EXOC5: variants seen among roughly 807,000 people sequenced by gnomAD.
The protein encoded by EXOC5 is SEC10-like 1.
A neutral mutation model predicts 90.8 loss-of-function variants in EXOC5; 17 were observed. The ratio of observed to expected loss-of-function variants is 0.19; its 90% CI spans 0.13 to 0.28. The LOEUF is 0.28. Ranked by LOEUF, EXOC5 falls within the 10% of genes least tolerant of loss-of-function variation. The pLI is 1.00. For missense variants in EXOC5, 569 were observed against 830.6 expected (o/e 0.69, Z 3.87); for synonymous variants, 260 against 270.0 (o/e 0.96, Z 0.36).
rs528701179 is a variant in EXOC5 at position 57,205,881 on chromosome 14, G to C, written c.*2728C>G. On this transcript the variant is annotated 3_prime_UTR_variant, in exon 18 of 18. Transcript: ENST00000621441. ...GCAACTATGGCAATCCTCAAAATGGGACCAAAAATTGTCCTGGAATGGTCA... is the reference window on the plus strand; with the variant it reads ...GCAACTATGGCAATCCTCAAAATGGCACCAAAAATTGTCCTGGAATGGTCA... 1 of 455,700 alleles carries C rather than the reference G, an allele frequency of 2.2e-6. No homozygotes were observed. The highest frequency in any genetic ancestry group is 4.4e-6 in the Non-Finnish European group (1 of 226,500). 28.2% of individuals were successfully genotyped at this position (455,700 alleles called of 1,614,324 possible).
At chr14:57,244,628 A>T (rs1413225882) in intron 3 of EXOC5, among the ~76,000 whole-genome samples, 6 of 152,166 alleles carry the variant, frequency 3.9e-5, no homozygotes, top group Non-Finnish European at 8.8e-5. Context: ...ATCCTGTTTT[A>T]AAAAAACACT....
At chr14:57,247,480 T>A in intron 2 of EXOC5, 138 bp downstream of exon 2, 1 of 458,700 alleles carries the variant, frequency 2.2e-6, no homozygotes, top group Non-Finnish European at 3.9e-6. Context: ...TAATGCTCTG[T>A]TGTATTGTCT....
At chr14:57,245,055 G>C (rs931766326) in intron 3 of EXOC5, among the ~76,000 whole-genome samples, 2 of 150,316 alleles carry the variant, frequency 1.3e-5, no homozygotes, top group Non-Finnish European at 3.0e-5. Context: ...TATTTAAAAA[G>C]TGATGTTTAT....
chr14:57,232,600 T>C, intron 10 of EXOC5, 67 bp downstream of exon 10: 1 of 673,772 alleles, frequency 1.5e-6, no homozygotes, highest in Non-Finnish European at 2.5e-6. Flanking sequence ...CCTGAATACT[T>C]CCTTGTTTTT....
At chr14:57,231,826 C>T (rs973697699) in intron 10 of EXOC5, 111 bp from the exon 11 acceptor site, 5 of 686,324 alleles carry the variant, frequency 7.3e-6, no homozygotes, top group Admixed American at 2.9e-5. Context: ...GTTAAGCCAC[C>T]ATTTCTTAAA....
intron 5 of EXOC5, among the ~76,000 whole-genome samples, chr14:57,238,373 TATAC>T (rs1229720375): frequency 4.4e-4 from 35 of 79,936 alleles, no homozygotes; most frequent in Admixed American, 5.5e-4. Flanking sequence ...TATATATATA[TATAC>T]ACACACACAC....
chr14:57,207,694 G>C lies in EXOC5; in HGVS notation c.*915C>G, dbSNP rs1399205054. On this transcript the variant is annotated 3_prime_UTR_variant, in exon 18 of 18. Coordinates refer to ENST00000621441, the MANE Select transcript of EXOC5 (RefSeq NM_006544.4). Reference sequence around the variant, plus strand: ...CCATCTTATTCAAGTTTAGCATTACGACAGAAATCTCAAAGGGCTGCATGT... The same window carrying C: ...CCATCTTATTCAAGTTTAGCATTACCACAGAAATCTCAAAGGGCTGCATGT... 1 of 151,932 alleles carries C rather than the reference G, an allele frequency of 6.6e-6. No individual in the cohort carries two copies. Among genetic ancestry groups the C allele is most frequent in the African/African-American group, 2.4e-5 (1 of 41,378 alleles). The allele number at this position is 151,932 out of a possible 1,614,324, so 9.4% of individuals were successfully genotyped here. A position where few individuals can be genotyped will look rare whatever the true frequency, so the allele number is the denominator to read the frequency against.
At chr14:57,227,660 G>C (rs769685720) in intron 12 of EXOC5, among the ~76,000 whole-genome samples, 2 of 152,192 alleles carry the variant, frequency 1.3e-5, no homozygotes, top group South Asian at 4.1e-4. Context: ...TAATGAATAA[G>C]TTGCATTTCC....
chr14:57,203,365 G>A lies in EXOC5; in HGVS notation c.*5244C>T, dbSNP rs1271773966. The A allele has an allele frequency of 6.6e-6, 1 of 152,210 alleles. No individual in the cohort carries two copies. The highest frequency in any genetic ancestry group is 2.4e-5 in the African/African-American group (1 of 41,462). 9.4% of individuals were successfully genotyped at this position (152,210 alleles called of 1,614,324 possible). A position where few individuals can be genotyped will look rare whatever the true frequency, so the allele number is the denominator to read the frequency against. On this transcript the variant is annotated 3_prime_UTR_variant, in exon 18 of 18. Coordinates refer to ENST00000621441, the MANE Select transcript of EXOC5 (RefSeq NM_006544.4). ...CCAATTTAAGATTACAGGGGCATCA[G>A]GAAGGCTTCTCACCTCTCAAAGTTT...
Position 57,208,153 on chromosome 14 carries a change from T to C in EXOC5, c.*456A>G, listed in dbSNP as rs1882713892. The C allele has an allele frequency of 6.5e-6, 1 of 153,404 alleles. No individual in the cohort carries two copies. Among genetic ancestry groups the C allele is most frequent in the African/African-American group, 2.4e-5 (1 of 41,488 alleles). The allele number at this position is 153,404 out of a possible 1,614,324, so 9.5% of individuals were successfully genotyped here. On this transcript the variant is annotated 3_prime_UTR_variant, in exon 18 of 18. Coordinates refer to ENST00000621441, the MANE Select transcript of EXOC5 (RefSeq NM_006544.4). ...CTAAAATAATCTGATTAACAATTGATGCTGAAAAGGTCATTAAAAACTGAG... is the reference window on the plus strand; with the variant it reads ...CTAAAATAATCTGATTAACAATTGACGCTGAAAAGGTCATTAAAAACTGAG...
At chr14:57,241,799 T>C (rs1486915396) in intron 4 of EXOC5, among the ~76,000 whole-genome samples, 7 of 152,140 alleles carry the variant, frequency 4.6e-5, no homozygotes, top group Non-Finnish European at 1.0e-4. Context: ...AGTCATCAAG[T>C]ATTATCCACA....
At chr14:57,236,253 T>G (rs1379122033) in intron 6 of EXOC5, among the ~76,000 whole-genome samples, 1 of 151,880 alleles carries the variant, frequency 6.6e-6, no homozygotes, top group East Asian at 1.9e-4. Flanking sequence ...AATCTCATCC[T>G]GATAATATGC....
chr14:57,216,305 A>G (rs1267616098), intron 15 of EXOC5, among the ~76,000 whole-genome samples: 1 of 151,752 alleles, frequency 6.6e-6, no homozygotes, highest in African/African-American at 2.4e-5. Context: ...TAAAATTCTT[A>G]TGGAACCAGA....
intron 16 of EXOC5, 34 bp downstream of exon 16, chr14:57,209,919 A>G: frequency 7.9e-7 from 1 of 1,261,808 alleles, no homozygotes; most frequent in Non-Finnish European, 1.1e-6. Flanking sequence ...GAAAATGTTA[A>G]CAAAGTATTA....
intron 1 of EXOC5, among the ~76,000 whole-genome samples, chr14:57,255,710 T>C (rs1364875253): frequency 6.6e-6 from 1 of 152,000 alleles, no homozygotes; most frequent in Non-Finnish European, 1.5e-5. Flanking sequence ...TGGGCACCTG[T>C]AGTCCTAGCT....
chr14:57,266,615 G>T (rs542584616), intron 1 of EXOC5, among the ~76,000 whole-genome samples: 3 of 151,502 alleles, frequency 2.0e-5, no homozygotes, highest in African/African-American at 7.3e-5. Flanking sequence ...GTAGTCTAAG[G>T]GCTACTGTCT....
In EXOC5 at chr14:57,250,597, C is replaced by T. The variant is rs562611564; in HGVS notation, c.28-2885G>A. Among the ~76,000 whole-genome samples, 22 of 152,254 alleles carry T rather than the reference C, an allele frequency of 1.4e-4. No homozygotes were observed. In the South Asian group the frequency reaches 3.1e-3, roughly 22 times the overall value. On this transcript the variant is annotated intron_variant, in intron 1 of 17. Transcript: ENST00000621441. The stretch of plus-strand genomic sequence containing the variant: ...GTGTCAGAGTGAGAACACATGGGGG[C>T]TGGGTAATAGATTCCTGGCCAAGAT...
intron 12 of EXOC5, among the ~76,000 whole-genome samples, chr14:57,225,621 A>G (rs1489564303): frequency 6.6e-6 from 1 of 151,836 alleles, no homozygotes; most frequent in African/African-American, 2.4e-5. Flanking sequence ...AGAACTAATA[A>G]GTGAGTTTAG....
In EXOC5 at chr14:57,203,843, A is replaced by T. The variant is rs1406699239; in HGVS notation, c.*4766T>A. The T allele has an allele frequency of 6.6e-6, 1 of 152,654 alleles. No individual in the cohort carries two copies. The highest frequency in any genetic ancestry group is 1.5e-5 in the Non-Finnish European group (1 of 68,040). The allele number at this position is 152,654 out of a possible 1,614,324, so 9.5% of individuals were successfully genotyped here. A position where few individuals can be genotyped will look rare whatever the true frequency, so the allele number is the denominator to read the frequency against. ...TACATGTTGCACAGTACATATTAAT[A>T]TAGAAAAATACATGTTATCAGCAGC... On this transcript the variant is annotated 3_prime_UTR_variant, in exon 18 of 18. Coordinates refer to ENST00000621441, the MANE Select transcript of EXOC5 (RefSeq NM_006544.4).
Sources: gnomAD v4.1 joint callset for allele counts (sites outside exome capture counted in the v4.1 genomes callset) on GRCh38, gnomAD v4.1.1 for gene constraint, MANE v1.5 for transcripts, NCBI Gene and HGNC (gene_info 2026-07-23, HGNC 2026-07-21) for gene names.